The following EDA variants were observed in gnomAD, a reference collection of about 807,000 sequenced individuals.
EDA encodes ectodysplasin A.
A neutral mutation model predicts 23.6 loss-of-function variants in EDA; 2 were observed. That is an observed-to-expected ratio of 0.08 (90% CI 0.03 to 0.27). The LOEUF is 0.27. EDA is among the 10% of genes least tolerant of loss of function. The probability of loss-of-function intolerance (pLI) is 1.00; values close to 1 mark genes in which losing one functional copy is unlikely to be tolerated. For synonymous variants in EDA, 131 were observed against 132.0 expected, an observed-to-expected ratio of 0.99 and a Z score of 0.05; for missense variants, 229 against 324.2, an observed-to-expected ratio of 0.71 and a Z score of 2.26.
chrX:69,772,522 T>C (rs909111631), intron 1 of EDA, among the ~76,000 whole-genome samples: 3 of 111,702 alleles, frequency 2.7e-5, no homozygotes, highest in Non-Finnish European at 3.8e-5. Flanking sequence ...CAGGGGTACA[T>C]GTGCAGGTTT....
At chrX:69,856,254 GGTGTGTGTGTGTGTGTGT>G (rs202079519) in intron 1 of EDA, among the ~76,000 whole-genome samples, 107 of 74,938 alleles carry the variant, frequency 1.4e-3, no homozygotes, top group African/African-American at 5.2e-3. Flanking sequence ...AGTATTCCAT[GGTGTGTGTGTGTGTGTGT>G]GTGTGTGTGT....
chrX:69,844,492 A>G (rs770282587), intron 1 of EDA, among the ~76,000 whole-genome samples: 3 of 112,782 alleles, frequency 2.7e-5, no homozygotes, highest in Admixed American at 9.4e-5. Flanking sequence ...AGAACTACCC[A>G]ATACTCTTAG....
chrX:69,786,205 C>A (rs762442725), intron 1 of EDA, among the ~76,000 whole-genome samples: 1 of 110,997 alleles, frequency 9.0e-6, no homozygotes, highest in Non-Finnish European at 1.9e-5. Flanking sequence ...GTCTTGCTAG[C>A]GGTCTATCAA....
intron 2 of EDA, among the ~76,000 whole-genome samples, chrX:69,997,438 A>G (rs2019674029): frequency 8.9e-6 from 1 of 112,219 alleles, no homozygotes; most frequent in Non-Finnish European, 1.9e-5. Flanking sequence ...TCAAGAGGTG[A>G]CTTGGGTGCT....
At chrX:69,720,193 G>A (rs981726597) in intron 1 of EDA, among the ~76,000 whole-genome samples, 3 of 112,055 alleles carry the variant, frequency 2.7e-5, no homozygotes, top group Non-Finnish European at 5.6e-5. Flanking sequence ...TGTTTACTTT[G>A]AACACTTTGA....
chrX:69,774,511 A>G (rs1020209943), intron 1 of EDA, among the ~76,000 whole-genome samples: 4 of 111,700 alleles, frequency 3.6e-5, no homozygotes, highest in East Asian at 2.8e-4. Context: ...GAGAGTTATT[A>G]TCTTTTGTTA....
chrX:69,779,472 G>C (rs2014878095), intron 1 of EDA, among the ~76,000 whole-genome samples: 1 of 111,208 alleles, frequency 9.0e-6, no homozygotes, highest in African/African-American at 3.3e-5. Context: ...ATCCAGAATA[G>C]GTAAATCCAT....
At chrX:70,011,379 G>A (rs2019873566) in intron 2 of EDA, among the ~76,000 whole-genome samples, 1 of 104,030 alleles carries the variant, frequency 9.6e-6, no homozygotes, top group African/African-American at 3.5e-5. Flanking sequence ...CACCCAAGCT[G>A]GAGCGTAGTG....
chrX:69,709,949 C>A (rs2011908826), intron 1 of EDA, among the ~76,000 whole-genome samples: 1 of 111,539 alleles, frequency 9.0e-6, no homozygotes, highest in African/African-American at 3.3e-5. Context: ...TGTAGGTTGC[C>A]TGTTCACTCT....
intron 1 of EDA, among the ~76,000 whole-genome samples, chrX:69,707,548 C>T (rs1043497691): frequency 9.9e-5 from 11 of 111,600 alleles, no homozygotes; most frequent in South Asian, 3.8e-4. Flanking sequence ...AAATTTATAC[C>T]GCAAGGTCCT....
At chrX:69,906,738 C>T (rs1244692641) in intron 1 of EDA, among the ~76,000 whole-genome samples, 2 of 111,651 alleles carry the variant, frequency 1.8e-5, no homozygotes, top group Admixed American at 9.6e-5. Context: ...CACGCGTGCA[C>T]GCACACACAC....
chrX:69,664,666 T>TTGTGTGTGTG (rs35371760), intron 1 of EDA, among the ~76,000 whole-genome samples: 225 of 104,065 alleles, frequency 2.2e-3, no homozygotes, highest in African/African-American at 7.6e-3. Context: ...TAATATTTCA[T>TTGTGTGTGTG]TGTGTGTGTG....
At chrX:69,900,468 A>G (rs1475128504) in intron 1 of EDA, among the ~76,000 whole-genome samples, 2 of 108,248 alleles carry the variant, frequency 1.8e-5, no homozygotes, top group Non-Finnish European at 3.8e-5. Context: ...AAAAATATAT[A>G]TCATAAATAT....
chrX:69,901,322 G>A (rs939909395), intron 1 of EDA, among the ~76,000 whole-genome samples: 6 of 112,118 alleles, frequency 5.4e-5, no homozygotes, highest in Non-Finnish European at 7.5e-5. Context: ...CTGAAATACC[G>A]TACTGTACTG....
chrX:69,839,689 A>G (rs1443191061), intron 1 of EDA, among the ~76,000 whole-genome samples: 1 of 112,122 alleles, frequency 8.9e-6, no homozygotes, highest in African/African-American at 3.2e-5. Context: ...GCTACTAATG[A>G]AAACCTGTGT....
chrX:69,711,501 A>G (rs1345762973), intron 1 of EDA, among the ~76,000 whole-genome samples: 8 of 111,511 alleles, frequency 7.2e-5, no homozygotes, highest in Non-Finnish European at 7.5e-5. Flanking sequence ...GATGATGCTG[A>G]CCTCATAAAA....
chrX:69,861,242 T>G (rs2017377957), intron 1 of EDA: 1 of 186,293 alleles, frequency 5.4e-6, no homozygotes, highest in Admixed American at 6.9e-5. Context: ...TAATAATGTC[T>G]AATTTGTAAG....
chrX:69,877,011 A>G (rs12852082), intron 1 of EDA, among the ~76,000 whole-genome samples: 33,508 of 111,488 alleles, frequency 0.3, 4,709 homozygotes, highest in Middle Eastern at 0.55. Flanking sequence ...AAAATGCCAA[A>G]CTGTTTTGCA....
At chrX:69,908,574 A>G (rs1386209870) in intron 1 of EDA, among the ~76,000 whole-genome samples, 1 of 110,436 alleles carries the variant, frequency 9.1e-6, no homozygotes, top group Non-Finnish European at 1.9e-5. Flanking sequence ...GCAAGGTACC[A>G]TACTTCAGGA....
Sources: allele counts gnomAD v4.1 joint callset (sites outside exome capture counted in the v4.1 genomes callset), GRCh38; gene constraint gnomAD v4.1.1; transcripts MANE v1.5; gene names NCBI Gene and HGNC (gene_info 2026-07-23, HGNC 2026-07-21).